Variants in ABCD3 observed in about 807,000 individuals in gnomAD.
The protein encoded by ABCD3 is ATP-binding cassette sub-family D member 3.
Under a neutral mutation model 105.5 loss-of-function variants are expected in ABCD3, and 41 were observed. That is an observed-to-expected ratio of 0.39 (90% confidence interval 0.30 to 0.50). The LOEUF (loss-of-function observed/expected upper bound fraction) is 0.50. ABCD3 is among the 20% of genes least tolerant of loss of function. ABCD3 has a pLI of 0.84. For missense variants in ABCD3, 622 were observed against 806.3 expected, an observed-to-expected ratio of 0.77 and a Z score of 2.77; for synonymous variants, 258 against 269.0, an observed-to-expected ratio of 0.96 and a Z score of 0.40.
At chr1:94,474,408 T>C (rs1281593164) in intron 5 of ABCD3, among the ~76,000 whole-genome samples, 1 of 152,152 alleles carries the variant, frequency 6.6e-6, no homozygotes, top group Admixed American at 6.6e-5. Context: ...TTTTCTTAGG[T>C]TGGTTCTCAT....
intron 1 of ABCD3, among the ~76,000 whole-genome samples, chr1:94,446,633 A>G (rs1660355269): frequency 1.3e-5 from 2 of 152,228 alleles, no homozygotes; most frequent in Admixed American, 1.3e-4. Flanking sequence ...GAATCAAATT[A>G]CTGATAAATG....
chr1:94,493,546 G>A (rs1182604179), intron 16 of ABCD3, among the ~76,000 whole-genome samples: 2 of 151,380 alleles, frequency 1.3e-5, no homozygotes, highest in Non-Finnish European at 3.0e-5. Flanking sequence ...GATTCCTCAG[G>A]GATCTAGAAC....
chr1:94,499,697 AT>A (rs1570824750), intron 20 of ABCD3, 83 bp downstream of exon 20: 7 of 1,550,908 alleles, frequency 4.5e-6, no homozygotes, highest in Non-Finnish European at 5.3e-6. Context: ...TTCATCTTAT[AT>A]TTTTTTATTC....
At chr1:94,490,221 C>T (rs752973698) in intron 15 of ABCD3, among the ~76,000 whole-genome samples, 10 of 151,966 alleles carry the variant, frequency 6.6e-5, no homozygotes, top group Non-Finnish European at 1.3e-4. Context: ...ATCGCCTCTA[C>T]ATAGTTAACC....
intron 1 of ABCD3, among the ~76,000 whole-genome samples, chr1:94,453,557 A>T (rs941731532): frequency 3.3e-5 from 5 of 151,866 alleles, no homozygotes; most frequent in African/African-American, 4.8e-5. Context: ...TGACCTCGTG[A>T]TCCGCCCACC....
chr1:94,491,208 G>A lies in ABCD3; in HGVS notation c.1347G>A (p.Thr449=), dbSNP rs758559803. 2.5e-5 allele frequency: 40 copies of A among 1,611,892 alleles called. No homozygotes were observed. In the South Asian group the frequency reaches 3.7e-4, roughly 15 times the overall value. The change falls in exon 16 of 23, where the codon ACG becomes ACA. Residue 449 remains threonine, a synonymous_variant. Coordinates refer to ENST00000370214, the MANE Select transcript of ABCD3 (RefSeq NM_002858.4). Reference sequence around the variant, plus strand: ...GGTTTGATCATGTTCCTTTAGCAACGCCAAATGGAGATGTTTTGATCCGAG... The same window carrying A: ...GGTTTGATCATGTTCCTTTAGCAACACCAAATGGAGATGTTTTGATCCGAG... ...IIKFDHVPLA[T]PNGDVLIRDL...
At chr1:94,393,699 A>T in the ABCD3 span, among the ~76,000 whole-genome samples, 2 of 152,158 alleles carry the variant, frequency 1.3e-5, no homozygotes, top group Non-Finnish European at 2.9e-5. Context: ...ACACACACAC[A>T]AAGTCAAATT....
chr1:94,506,696 CTA>C, intron 21 of ABCD3, 54 bp downstream of exon 21: 1 of 1,294,394 alleles, frequency 7.7e-7, no homozygotes. Flanking sequence ...CTAGTGTAAA[CTA>C]TGTCCAAATC....
intron 21 of ABCD3, among the ~76,000 whole-genome samples, chr1:94,510,948 T>G (rs1178273974): frequency 6.6e-6 from 1 of 152,212 alleles, no homozygotes; most frequent in African/African-American, 2.4e-5. Flanking sequence ...CTTATCCAAT[T>G]TGCCAGTCTG....
At chr1:94,449,899 C>T (rs571490607) in intron 1 of ABCD3, among the ~76,000 whole-genome samples, 2 of 152,138 alleles carry the variant, frequency 1.3e-5, no homozygotes, top group Non-Finnish European at 2.9e-5. Flanking sequence ...TGATATGGCC[C>T]GCTGTGGGAG....
At chr1:94,476,594 A>C (rs1391574952) in intron 7 of ABCD3, among the ~76,000 whole-genome samples, 1 of 152,154 alleles carries the variant, frequency 6.6e-6, no homozygotes, top group Non-Finnish European at 1.5e-5. Context: ...GAGACAAAAG[A>C]AAACCAAAAC....
chr1:94,511,140 T>C (rs1029820483), intron 21 of ABCD3, among the ~76,000 whole-genome samples: 47 of 152,276 alleles, frequency 3.1e-4, no homozygotes, highest in African/African-American at 1.1e-3. Context: ...CAGTTGTTCC[T>C]TTCCATGTTT....
intron 1 of ABCD3, among the ~76,000 whole-genome samples, chr1:94,426,155 A>G (rs1310642000): frequency 6.6e-6 from 1 of 152,226 alleles, no homozygotes; most frequent in Admixed American, 6.5e-5. Context: ...AGATACACCC[A>G]TGAAAATCTC....
intron 3 of ABCD3, 106 bp downstream of exon 3, chr1:94,464,979 C>A: frequency 2.1e-6 from 2 of 971,044 alleles, no homozygotes; most frequent in Non-Finnish European, 3.2e-6. Context: ...GCTCCTGGAT[C>A]TGCAGGCTGT....
chr1:94,456,458 A>G (rs1647569790), intron 1 of ABCD3, among the ~76,000 whole-genome samples: 1 of 149,422 alleles, frequency 6.7e-6, no homozygotes, highest in African/African-American at 2.5e-5. Context: ...TTTTTATTTT[A>G]GTAGAGACAG....
intron 20 of ABCD3, among the ~76,000 whole-genome samples, chr1:94,501,477 G>A (rs1365887374): frequency 6.6e-6 from 1 of 152,054 alleles, no homozygotes; most frequent in East Asian, 1.9e-4. Flanking sequence ...GGTGAAATTA[G>A]GTAAAGATTA....
At chr1:94,426,401 C>T (rs902916817) in intron 1 of ABCD3, among the ~76,000 whole-genome samples, 5 of 152,156 alleles carry the variant, frequency 3.3e-5, no homozygotes, top group Non-Finnish European at 5.9e-5. Context: ...TTGTCCTAAG[C>T]TTTCATTAAA....
At chr1:94,489,093 T>G (rs953884904) in intron 13 of ABCD3, among the ~76,000 whole-genome samples, 3 of 152,112 alleles carry the variant, frequency 2.0e-5, no homozygotes, top group Non-Finnish European at 4.4e-5. Flanking sequence ...AAATCCTGTT[T>G]TCTTCTTCGA....
At chr1:94,396,820 C>T in the ABCD3 span, among the ~76,000 whole-genome samples, 2 of 152,152 alleles carry the variant, frequency 1.3e-5, no homozygotes, top group Non-Finnish European at 2.9e-5. Flanking sequence ...ACCGCATGAT[C>T]TCCGGAGGGT....
Sources: gnomAD v4.1 joint callset for allele counts (sites outside exome capture counted in the v4.1 genomes callset) on GRCh38, gnomAD v4.1.1 for gene constraint, MANE v1.5 for transcripts, NCBI Gene and HGNC (gene_info 2026-07-23, HGNC 2026-07-21) for gene names.